SOD2: variants seen among roughly 807,000 people sequenced by gnomAD.
SOD2 encodes the protein superoxide dismutase [Mn], mitochondrial.
A neutral mutation model predicts 27.0 loss-of-function variants in SOD2; 11 were observed. The ratio of observed to expected loss-of-function variants is 0.41; its 90% CI spans 0.26 to 0.67. The LOEUF is 0.67. SOD2 is among the 30% of genes least tolerant of loss of function. The pLI, the probability that SOD2 is intolerant of heterozygous loss-of-function variation, is 0.34. For synonymous variants in SOD2, 105 were observed against 103.0 expected (o/e 1.02, Z -0.12); for missense variants, 250 against 274.5 (o/e 0.91, Z 0.63).
At chr6:159,701,280 G>C (rs527848930) in intron 1 of SOD2, among the ~76,000 whole-genome samples, 1 of 152,292 alleles carries the variant, frequency 6.6e-6, no homozygotes, top group Admixed American at 6.5e-5. Context: ...CTGTGATGAA[G>C]TTTTGACTTT....
intron 4 of SOD2, among the ~76,000 whole-genome samples, chr6:159,684,075 T>C (rs1780075799): frequency 6.6e-6 from 1 of 152,028 alleles, no homozygotes; most frequent in South Asian, 2.1e-4. Flanking sequence ...AGCCTGGCAC[T>C]TCCAAGCCGA....
intron 3 of SOD2, among the ~76,000 whole-genome samples, chr6:159,687,768 G>C (rs1780259427): frequency 6.6e-6 from 1 of 152,102 alleles, no homozygotes; most frequent in Non-Finnish European, 1.5e-5. Context: ...CAGCACTTTG[G>C]GAGGCCAAGG....
rs1272273860 is a variant in SOD2, at chr6:159,672,204, A to C, written c.*10289T>G. 1 of 152,234 alleles carries C rather than the reference A, an allele frequency of 6.6e-6. No homozygotes were observed. The highest frequency in any genetic ancestry group is 1.5e-5 in the Non-Finnish European group (1 of 68,048). 9.4% of individuals were successfully genotyped at this position (152,234 alleles called of 1,614,324 possible). A position where few individuals can be genotyped will look rare whatever the true frequency, so the allele number is the denominator to read the frequency against. On this transcript the variant is annotated 3_prime_UTR_variant, in exon 5 of 5. Coordinates refer to ENST00000538183, the MANE Select transcript of SOD2 (RefSeq NM_000636.4). ...TCCAGGAGAACTTCCCCAATCTAGC[A>C]AGGGAGGACAACATTCAAATTCAGG...
chr6:159,704,763 C>T (rs1481935212), intron 1 of SOD2, among the ~76,000 whole-genome samples: 1 of 152,226 alleles, frequency 6.6e-6, no homozygotes, highest in Non-Finnish European at 1.5e-5. Flanking sequence ...TGTCTGACAG[C>T]TTTGAAGAGA....
At chr6:159,706,694 C>T (rs1263070162) in intron 1 of SOD2, among the ~76,000 whole-genome samples, 1 of 152,122 alleles carries the variant, frequency 6.6e-6, no homozygotes, top group Non-Finnish European at 1.5e-5. Flanking sequence ...CCACTGTCAA[C>T]ATTAGACAGA....
At chr6:159,743,762 A>T in intron 1 of SOD2, 1 of 1,613,030 alleles carries the variant, frequency 6.2e-7, no homozygotes, top group African/African-American at 1.3e-5. Context: ...TGCGACTAGC[A>T]ACCAAGGAAC....
At chr6:159,726,706 A>T in intron 1 of SOD2, 2 of 1,211,090 alleles carry the variant, frequency 1.7e-6, no homozygotes, top group Non-Finnish European at 2.1e-6. Context: ...AACGCCGCGG[A>T]CACAGCGCAA....
At chr6:159,756,526 CTT>C (rs1476433791) in intron 1 of SOD2, among the ~76,000 whole-genome samples, 1 of 146,324 alleles carries the variant, frequency 6.8e-6, no homozygotes, top group Non-Finnish European at 1.5e-5. Context: ...TTTTTCTTGA[CTT>C]ATAATTGTTA....
intron 1 of SOD2, chr6:159,753,484 G>C (rs758355370): frequency 1.9e-6 from 3 of 1,614,190 alleles, no homozygotes; most frequent in South Asian, 2.2e-5. Flanking sequence ...AGTTAATGGC[G>C]AAGTGTCGAA....
chr6:159,761,464 G>A, exon 1 of SOD2: 1 of 444,314 alleles, frequency 2.3e-6, no homozygotes, highest in Admixed American at 2.5e-5. Context: ...CAGGGGGCTC[G>A]CACCGAGACG....
At chr6:159,756,744 G>A (rs1385622977) in intron 1 of SOD2, among the ~76,000 whole-genome samples, 1 of 151,888 alleles carries the variant, frequency 6.6e-6, no homozygotes, top group Non-Finnish European at 1.5e-5. Context: ...TGAGACTATA[G>A]GCATATACTA....
At chr6:159,747,795 AAT>A (rs1779661561), upstream of SOD2, among the ~76,000 whole-genome samples, 1 of 152,132 alleles carries the variant, frequency 6.6e-6, no homozygotes, top group African/African-American at 2.4e-5. Context: ...GTTTTTTGGT[AAT>A]GTTTGGATTG....
At chr6:159,749,294 C>A, upstream of SOD2, 1 of 985,714 alleles carries the variant, frequency 1.0e-6, no homozygotes, top group Non-Finnish European at 1.2e-6. Flanking sequence ...ATGAAATCCC[C>A]GTTCCATTCA....
At chr6:159,727,820 T>A (rs1166321946), upstream of SOD2, 30 of 726,964 alleles carry the variant, frequency 4.1e-5, no homozygotes, top group Non-Finnish European at 5.1e-5. Flanking sequence ...CACACGGGCC[T>A]GGTGCGGCAC....
At position 159,685,035 on chromosome 6, in the gene SOD2, T is replaced by G; in HGVS notation, c.344-2A>C. 1 of 1,579,266 alleles carries G rather than the reference T, an allele frequency of 6.3e-7. No individual in the cohort carries two copies. Among genetic ancestry groups the G allele is most frequent in the Non-Finnish European group, 8.6e-7 (1 of 1,167,252 alleles). The stretch of plus-strand genomic sequence containing the variant: ...GTTTGATGGCTTCCAGCAACTCCCC[T>G]ATTAAAAAAAAAATCCAAAACCACC... On this transcript the variant is annotated splice_acceptor_variant, in intron 3 of 4. Coordinates refer to ENST00000538183, the MANE Select transcript of SOD2 (RefSeq NM_000636.4). LOFTEE classifies it high-confidence loss of function.
upstream of SOD2, chr6:159,748,430 G>T: frequency 6.3e-7 from 1 of 1,591,870 alleles, no homozygotes; most frequent in East Asian, 2.3e-5. The surrounding 1 kb of genome is among the most constrained non-coding windows in gnomAD (Gnocchi z 5.6). Context: ...AGAAAGCTGT[G>T]GTGGGACAGC....
upstream of SOD2, among the ~76,000 whole-genome samples, chr6:159,747,705 T>C (rs1562464288): frequency 6.6e-6 from 1 of 152,198 alleles, no homozygotes; most frequent in Non-Finnish European, 1.5e-5. Context: ...CATTAACTCT[T>C]AGGTAATTAA....
chr6:159,713,436 G>A lies in SOD2; in HGVS notation c.-116+13693C>T, dbSNP rs1259980590. Reference sequence around the variant, plus strand: ...CATAGTAGGTATGAACTTCAGCTTGGCTATTCTAGAAGATTTCAATGTACC... The same window carrying A: ...CATAGTAGGTATGAACTTCAGCTTGACTATTCTAGAAGATTTCAATGTACC... On this transcript the variant is annotated intron_variant, in intron 1 of 2. Coordinates refer to the SOD2 transcript ENST00000401980. 6.3e-5 allele frequency: 41 copies of A among 647,522 alleles called. No homozygotes were observed. In the East Asian group the frequency reaches 1.1e-3, roughly 17 times the overall value. The allele number at this position is 647,522 out of a possible 1,614,324, so 40.1% of individuals were successfully genotyped here.
chr6:159,736,510 A>G, intron 1 of SOD2: 1 of 418,718 alleles, frequency 2.4e-6, no homozygotes, highest in Non-Finnish European at 4.2e-6. Context: ...CAGATTTTGG[A>G]AAACTTTAGT....
Sources: gnomAD v4.1 joint callset for allele counts (sites outside exome capture counted in the v4.1 genomes callset) on GRCh38, gnomAD v4.1.1 for gene constraint, Gnocchi (gnomAD v3.1) non-coding constraint, MANE v1.5 for transcripts, NCBI Gene and HGNC (gene_info 2026-07-23, HGNC 2026-07-21) for gene names.